The following TEX10 variants were observed in gnomAD, a reference collection of about 807,000 sequenced individuals.
TEX10 encodes testis expressed 10.
TEX10 carries 24 observed loss-of-function variants against 104.4 expected under a neutral mutation model. That is an observed-to-expected ratio of 0.23 (90% CI 0.17 to 0.32). TEX10 has a LOEUF of 0.32. TEX10 is among the 10% of genes least tolerant of loss of function. TEX10 has a pLI of 1.00. For synonymous variants in TEX10, 396 were observed against 393.4 expected, an observed-to-expected ratio of 1.01 and a Z score of -0.08; for missense variants, 921 against 1,083.9, an observed-to-expected ratio of 0.85 and a Z score of 2.11.
chr9:100,319,068 T>G (rs1261350519), intron 11 of TEX10, among the ~76,000 whole-genome samples: 2 of 151,826 alleles, frequency 1.3e-5, no homozygotes, highest in East Asian at 3.9e-4. Flanking sequence ...GGCGGGCGCC[T>G]GTAATCCCAG....
chr9:100,319,543 G>A (rs946443219), intron 11 of TEX10, among the ~76,000 whole-genome samples: 3 of 152,048 alleles, frequency 2.0e-5, no homozygotes, highest in Non-Finnish European at 2.9e-5. Flanking sequence ...GGTGGCTCAC[G>A]CCTGTAATCC....
intron 14 of TEX10, among the ~76,000 whole-genome samples, chr9:100,303,208 A>C (rs1834050714): frequency 6.6e-6 from 1 of 152,210 alleles, no homozygotes; most frequent in Non-Finnish European, 1.5e-5. Flanking sequence ...CCAAAACACA[A>C]TAAAGTTGGC....
chr9:100,318,491 T>C (rs923880840), intron 11 of TEX10, among the ~76,000 whole-genome samples: 3 of 152,172 alleles, frequency 2.0e-5, no homozygotes, highest in Non-Finnish European at 4.4e-5. Flanking sequence ...GGGTGAATGA[T>C]AGGAGATTAC....
At position 100,334,947 on chromosome 9, in the gene TEX10, G is replaced by A. The variant is rs576780762; in HGVS notation, c.1251-4778C>T. Among the ~76,000 whole-genome samples, 6 of 152,264 alleles carry A rather than the reference G, an allele frequency of 3.9e-5. No individual in the cohort carries two copies. In the South Asian group the frequency reaches 6.2e-4, roughly 16 times the overall value. ...CCCAAAGTGCTGGGATTACAGGCGT[G>A]AGCCACCGCGCCTGGCCAGTCACTT... On this transcript the variant is annotated intron_variant, in intron 5 of 14. Coordinates refer to ENST00000374902, the MANE Select transcript of TEX10 (RefSeq NM_017746.4).
At chr9:100,341,618 C>T (rs771761437) in intron 4 of TEX10, among the ~76,000 whole-genome samples, 1 of 152,160 alleles carries the variant, frequency 6.6e-6, no homozygotes, top group Non-Finnish European at 1.5e-5. Flanking sequence ...ACCCGGCCAC[C>T]ATCATCTTTT....
intron 11 of TEX10, 93 bp from the exon 12 acceptor site, chr9:100,310,472 T>C: frequency 8.3e-7 from 1 of 1,208,966 alleles, no homozygotes; most frequent in South Asian, 1.4e-5. Flanking sequence ...AGAGTTTCAC[T>C]CTGTCGCCCA....
intron 11 of TEX10, among the ~76,000 whole-genome samples, chr9:100,313,871 C>T (rs890948476): frequency 1.3e-5 from 2 of 150,900 alleles, no homozygotes; most frequent in Non-Finnish European, 3.0e-5. Context: ...AAGAGACACA[C>T]ACATAGGAAC....
Position 100,327,942 on chromosome 9 carries a change from G to A in TEX10, c.1646C>T (p.Ser549Phe), listed in dbSNP as rs758530054. 7 of 1,583,482 alleles carry A rather than the reference G, an allele frequency of 4.4e-6. No individual in the cohort carries two copies. The Admixed American group carries it at 1.2e-4, about 27-fold the overall frequency. The change falls in exon 8 of 15, where the codon TCC becomes TTC. Residue 549 changes from serine to phenylalanine, a missense_variant. Around this residue, in one of 3 missense-constraint regions of TEX10, gnomAD observed 753 missense variants for 868.4 expected, o/e 0.87. Coordinates refer to ENST00000374902, the MANE Select transcript of TEX10 (RefSeq NM_017746.4). ...CAATGGTAAGCCAGCCAGCCAACGGGATAACACTTTACTACGATATCTTAG... is the reference window on the plus strand; with the variant it reads ...CAATGGTAAGCCAGCCAGCCAACGGAATAACACTTTACTACGATATCTTAG... ...CRFRYRSKVL[S>F]RWLAGLPLQL...
intron 13 of TEX10, 139 bp downstream of exon 13, chr9:100,308,361 A>G: frequency 1.5e-6 from 1 of 675,576 alleles, no homozygotes; most frequent in Non-Finnish European, 2.2e-6. Flanking sequence ...AGAAAAAGCT[A>G]GCTAGGCTGA....
At chr9:100,332,384 A>C (rs1834885269) in intron 5 of TEX10, among the ~76,000 whole-genome samples, 1 of 152,246 alleles carries the variant, frequency 6.6e-6, no homozygotes, top group African/African-American at 2.4e-5. Flanking sequence ...GGACATCTGC[A>C]AACTTGGGAG....
chr9:100,324,824 C>T (rs1006609324), intron 9 of TEX10, among the ~76,000 whole-genome samples: 2 of 152,090 alleles, frequency 1.3e-5, no homozygotes, highest in African/African-American at 4.8e-5. Context: ...AAATAAAAAA[C>T]AAGCTCTTAA....
intron 9 of TEX10, among the ~76,000 whole-genome samples, chr9:100,322,320 C>T (rs1048947159): frequency 6.6e-6 from 1 of 152,156 alleles, no homozygotes; most frequent in South Asian, 2.1e-4. Context: ...TGGCAGAGGA[C>T]TCAAAAGGAA....
At chr9:100,308,834 C>A (rs1379712268) in intron 12 of TEX10, among the ~76,000 whole-genome samples, 153 bp from the exon 13 acceptor site, 1 of 152,216 alleles carries the variant, frequency 6.6e-6, no homozygotes, top group East Asian at 1.9e-4. Flanking sequence ...CCTTAAGGTC[C>A]TGTTTTCCTT....
intron 13 of TEX10, chr9:100,307,710 A>C (rs754390929): frequency 6.6e-6 from 1 of 152,170 alleles, no homozygotes; most frequent in Non-Finnish European, 1.5e-5. Context: ...GGGTACATTA[A>C]CAGTATATGT....
intron 4 of TEX10, among the ~76,000 whole-genome samples, chr9:100,344,723 G>A (rs1835259734): frequency 6.6e-6 from 1 of 152,146 alleles, no homozygotes; most frequent in Admixed American, 6.5e-5. Flanking sequence ...GCGGGCACCT[G>A]TAAGCCTAGC....
rs114121161 is a variant in TEX10 at position 100,311,303 on chromosome 9, G to A, written c.2203-924C>T. 7.2e-3 allele frequency among the ~76,000 whole-genome samples: 1,102 copies of A among 152,212 alleles called. 11 individuals are homozygous for A. Among genetic ancestry groups the A allele is most frequent in the African/African-American group, 0.024 (1,015 of 41,524 alleles). On this transcript the variant is annotated intron_variant, in intron 11 of 14. Coordinates refer to ENST00000374902, the MANE Select transcript of TEX10 (RefSeq NM_017746.4). Reference sequence around the variant, plus strand: ...CCAGCTACTCAGGAGGTTGGGACAGGAGGATCGCCTGAGCCCAGGAGGTTG... The same window carrying A: ...CCAGCTACTCAGGAGGTTGGGACAGAAGGATCGCCTGAGCCCAGGAGGTTG...
intron 1 of TEX10, among the ~76,000 whole-genome samples, chr9:100,351,158 T>G (rs540730565): frequency 1.3e-5 from 2 of 151,716 alleles, no homozygotes; most frequent in Admixed American, 1.3e-4. Flanking sequence ...ATTTTAACAA[T>G]GTACCTCAGA....
intron 1 of TEX10, among the ~76,000 whole-genome samples, chr9:100,350,553 C>T (rs568311036): frequency 3.3e-5 from 5 of 152,274 alleles, no homozygotes; most frequent in Middle Eastern, 3.4e-3. Context: ...TTTTCCACAC[C>T]TGAGAACAAT....
rs199518202 is a variant in TEX10, at chr9:100,308,392, A to C, written c.2465+108T>G. ...GCTGACACAAACTCTCTGAAACAGA[A>C]TTTAAGGTATCTGTATAACCTAATT... On this transcript the variant is annotated intron_variant, in intron 13 of 14. Transcript: ENST00000374902. The C allele has an allele frequency of 6.8e-5, 60 of 876,366 alleles. No individual in the cohort carries two copies. In the East Asian group the frequency reaches 1.8e-3, roughly 27 times the overall value. The allele number at this position is 876,366 out of a possible 1,614,324, so 54.3% of individuals were successfully genotyped here.
Sources: allele counts gnomAD v4.1 joint callset (sites outside exome capture counted in the v4.1 genomes callset), GRCh38; gene constraint gnomAD v4.1.1; regional missense constraint gnomAD v4.1.1; transcripts MANE v1.5; gene names NCBI Gene and HGNC (gene_info 2026-07-23, HGNC 2026-07-21).